CEP55: variants seen among roughly 807,000 people sequenced by gnomAD.
CEP55 encodes the protein centrosomal protein 55, also known as centrosomal protein of 55 kDa.
CEP55 carries 57 observed loss-of-function variants against 63.2 expected under a neutral mutation model. The ratio of observed to expected loss-of-function variants is 0.90; its 90% CI spans 0.73 to 1.13. The LOEUF is 1.13. Among genes scored for constraint, CEP55 ranks in the 50% most tolerant of loss-of-function variants. The pLI is 0.00. For synonymous variants in CEP55, 178 were observed against 191.6 expected (o/e 0.93, Z 0.59); for missense variants, 456 against 518.9 (o/e 0.88, Z 1.18).
intron 4 of CEP55, among the ~76,000 whole-genome samples, chr10:93,514,807 G>A (rs1419709446): frequency 6.6e-6 from 1 of 152,138 alleles, no homozygotes; most frequent in Admixed American, 6.6e-5. Flanking sequence ...CAGTTTCACT[G>A]GAGTTTCCAG....
intron 8 of CEP55, among the ~76,000 whole-genome samples, chr10:93,522,680 C>T (rs1162460529): frequency 2.6e-5 from 4 of 152,110 alleles, no homozygotes; most frequent in African/African-American, 7.2e-5. Flanking sequence ...TTAAGGGCAG[C>T]CAGAGAGAAA....
At chr10:93,520,894 G>T (rs2057854020) in intron 8 of CEP55, among the ~76,000 whole-genome samples, 1 of 152,170 alleles carries the variant, frequency 6.6e-6, no homozygotes, top group African/African-American at 2.4e-5. Flanking sequence ...TATTTGAAAT[G>T]AAAATTTATA....
chr10:93,522,709 G>T (rs1448987894), intron 8 of CEP55, among the ~76,000 whole-genome samples: 1 of 152,188 alleles, frequency 6.6e-6, no homozygotes. Context: ...TACCCACAAA[G>T]GGAAGCCCAT....
intron 3 of CEP55, among the ~76,000 whole-genome samples, chr10:93,506,122 T>C (rs1270764817): frequency 6.6e-6 from 1 of 152,190 alleles, no homozygotes; most frequent in Admixed American, 6.5e-5. Flanking sequence ...TTTGTATTTT[T>C]AGTAAAGATG....
chr10:93,520,875 C>T (rs528452520), intron 8 of CEP55, among the ~76,000 whole-genome samples: 1 of 152,070 alleles, frequency 6.6e-6, no homozygotes, highest in East Asian at 1.9e-4. Context: ...TGATTTTACC[C>T]ATTTATAATA....
chr10:93,508,659 A>AAACC (rs2134467363), intron 4 of CEP55, among the ~76,000 whole-genome samples: 1 of 152,298 alleles, frequency 6.6e-6, no homozygotes, highest in African/African-American at 2.4e-5. Flanking sequence ...CTCCTTGAAT[A>AAACC]AACCACCTTT....
rs186840462 is a variant in CEP55, at chr10:93,528,438, G to T, written c.*285G>T. 453 of 369,744 alleles carry T rather than the reference G, an allele frequency of 1.2e-3. No individual in the cohort carries two copies. Among genetic ancestry groups the T allele is most frequent in the Admixed American group, 2.2e-3 (51 of 22,786 alleles). The allele number at this position is 369,744 out of a possible 1,614,324, so 22.9% of individuals were successfully genotyped here. ...CTGTCAAAATACTTGGTGAGGAAAA[G>T]ATAGCTCAGGTTATTGCTAATGGGT... On this transcript the variant is annotated 3_prime_UTR_variant, in exon 9 of 9. Coordinates refer to ENST00000371485, the MANE Select transcript of CEP55 (RefSeq NM_018131.5).
Position 93,519,702 on chromosome 10 carries a change from C to T in CEP55, c.1086C>T (p.Asp362=), listed in dbSNP as rs745862302. Residue 362 remains aspartate, a synonymous_variant, in exon 8 of 9, where the codon GAC becomes GAT. Transcript: ENST00000371485. ...TCCAGATGCAGGCATGTACTTTAGA[C>T]TTTGAAAATGAAAAACTCGACCGTC... is the stretch of plus-strand genomic sequence containing the variant. ...LEQQMQACTL[D]FENEKLDRQH... is the part of the protein sequence containing the mutation. The T allele has an allele frequency of 2.5e-6, 4 of 1,614,144 alleles. No individual in the cohort carries two copies. Among genetic ancestry groups the T allele is most frequent in the Non-Finnish European group, 3.4e-6 (4 of 1,180,026 alleles).
At chr10:93,526,935 G>A (rs969939694) in intron 8 of CEP55, among the ~76,000 whole-genome samples, 2 of 152,126 alleles carry the variant, frequency 1.3e-5, no homozygotes. Context: ...ACCTGTTGTG[G>A]GGTGGGGGGA....
chr10:93,499,802 G>A (rs377699982), intron 1 of CEP55, among the ~76,000 whole-genome samples: 1 of 151,830 alleles, frequency 6.6e-6, no homozygotes, highest in Non-Finnish European at 1.5e-5. Context: ...CTACAGGCGT[G>A]AGCCACCGTA....
At chr10:93,516,911 G>T in intron 5 of CEP55, 24 bp from the exon 6 acceptor site, 1 of 1,457,372 alleles carries the variant, frequency 6.9e-7, no homozygotes, top group Non-Finnish European at 9.3e-7. Context: ...AAAGTGAGTT[G>T]TGCCGTAATG....
chr10:93,510,340 T>C (rs2057732262), intron 4 of CEP55, among the ~76,000 whole-genome samples: 1 of 152,240 alleles, frequency 6.6e-6, no homozygotes, highest in South Asian at 2.1e-4. Context: ...AAAATTATTT[T>C]GTCTGCAAAC....
intron 7 of CEP55, 82 bp downstream of exon 7, chr10:93,519,030 G>A: frequency 9.9e-7 from 1 of 1,011,204 alleles, no homozygotes; most frequent in Non-Finnish European, 1.5e-6. Flanking sequence ...GTTCTATGGA[G>A]AACTGTTTGA....
chr10:93,515,475 CA>C lies in CEP55; in HGVS notation c.602del (p.Lys201ArgfsTer55). On this transcript the variant is annotated frameshift_variant, in exon 5 of 9. Transcript: ENST00000371485. LOFTEE classifies it high-confidence loss of function. The stretch of plus-strand genomic sequence containing the variant: ...GAAGTCTATGTAAAAGGACTTTTAG[CA>C]AAGATCTTTGAGTTGGAAAAGAAAA... ...QREVYVKGLL[A>X]KIFELEKKTE... 2 of 1,613,674 alleles carry C rather than the reference CA, an allele frequency of 1.2e-6. No individual in the cohort carries two copies. The highest frequency in any genetic ancestry group is 1.7e-6 in the Non-Finnish European group (2 of 1,179,728).
chr10:93,511,038 A>G (rs537158200), intron 4 of CEP55, among the ~76,000 whole-genome samples: 5 of 149,364 alleles, frequency 3.3e-5, no homozygotes, highest in Non-Finnish European at 7.4e-5. Context: ...TCCCTGGTTC[A>G]AGCGATTCTT....
chr10:93,526,371 A>C (rs1340302286), intron 8 of CEP55, among the ~76,000 whole-genome samples: 2 of 152,210 alleles, frequency 1.3e-5, no homozygotes, highest in Admixed American at 1.3e-4. Flanking sequence ...AATGCAAATC[A>C]AAACCACAAT....
Position 93,517,071 on chromosome 10 carries a change from C to G in CEP55, c.816C>G (p.Thr272=), listed in dbSNP as rs774951542. The G allele has an allele frequency of 2.5e-6, 4 of 1,613,672 alleles. No homozygotes were observed. The South Asian group carries it at 4.4e-5, about 18-fold the overall frequency. Residue 272 remains threonine (T), a synonymous_variant, in exon 6 of 9, where the codon ACC becomes ACG. Coordinates refer to ENST00000371485, the MANE Select transcript of CEP55 (RefSeq NM_018131.5). ...AATTTCGAAGAAAATATGAAGAAAC[C>G]CAAAAAGAAGTTCACAATTTAAATC... ...LSEFRRKYEE[T]QKEVHNLNQL...
intron 4 of CEP55, among the ~76,000 whole-genome samples, chr10:93,507,680 G>T (rs1231185748): frequency 6.6e-6 from 1 of 151,962 alleles, no homozygotes; most frequent in Non-Finnish European, 1.5e-5. Flanking sequence ...ATGGAGTCTT[G>T]CTCTGTTGCC....
chr10:93,504,696 C>T (rs1033066988), intron 3 of CEP55, among the ~76,000 whole-genome samples: 9 of 152,110 alleles, frequency 5.9e-5, no homozygotes, highest in Non-Finnish European at 7.4e-5. Context: ...ACTCATAAAA[C>T]GTTACAGTCA....
Sources: allele counts gnomAD v4.1 joint callset (sites outside exome capture counted in the v4.1 genomes callset), GRCh38; gene constraint gnomAD v4.1.1; transcripts MANE v1.5; gene names NCBI Gene and HGNC (gene_info 2026-07-23, HGNC 2026-07-21).